SYN3: variants seen among roughly 807,000 people sequenced by gnomAD.
SYN3 encodes the protein synapsin-3.
In SYN3, 35 loss-of-function variants were observed where a neutral mutation model predicts 65.8. That is an observed-to-expected ratio of 0.53 (90% confidence interval 0.41 to 0.70). The LOEUF (loss-of-function observed/expected upper bound fraction) is 0.70. SYN3 is among the 30% of genes least tolerant of loss of function. The pLI is 0.00. For missense variants in SYN3, 680 were observed against 749.0 expected (o/e 0.91, Z 1.08); for synonymous variants, 270 against 292.9 (o/e 0.92, Z 0.80).
At chr22:32,581,842 G>T (rs1383795414) in intron 7 of SYN3, among the ~76,000 whole-genome samples, 1 of 124,918 alleles carries the variant, frequency 8.0e-6, no homozygotes, top group Non-Finnish European at 1.6e-5. Flanking sequence ...TGTGGCCCAG[G>T]TTGGAGTGCG....
In SYN3 at chr22:32,801,978, C is replaced by T. The variant is rs754137297; in HGVS notation, c.711+62937G>A. ...AACTTTGGAGAGGCGAGCAGCAGCC[C>T]CGGCAGCGGCGGCAGCAGCGGCAAT... On this transcript the variant is annotated intron_variant, in intron 6 of 13. Coordinates refer to ENST00000358763, the MANE Select transcript of SYN3 (RefSeq NM_003490.4). The surrounding 1 kb of genome is among the most constrained non-coding windows in gnomAD (Gnocchi z 4.7). 5 of 1,581,420 alleles carry T rather than the reference C, an allele frequency of 3.2e-6. No homozygotes were observed. The South Asian group carries it at 3.4e-5, about 11-fold the overall frequency.
chr22:33,005,308 T>C (rs1316515628), intron 2 of SYN3, among the ~76,000 whole-genome samples: 1 of 152,220 alleles, frequency 6.6e-6, no homozygotes. Context: ...ACTTTTCTGG[T>C]TCCCATCCAT....
At chr22:32,758,681 C>CATATATAT (rs71187211) in intron 6 of SYN3, among the ~76,000 whole-genome samples, 4,080 of 33,050 alleles carry the variant, frequency 0.12, 1,171 homozygotes, top group African/African-American at 0.25. Flanking sequence ...TTACTAAACT[C>CATATATAT]ATATATATAT....
chr22:32,665,489 G>GTATATA lies in SYN3; in HGVS notation c.712-68759_712-68754dup, dbSNP rs130731. On this transcript the variant is annotated intron_variant, in intron 6 of 13. Coordinates refer to ENST00000358763, the MANE Select transcript of SYN3 (RefSeq NM_003490.4). ...GGCTGAGTAGTATGCCACAGTGTGT[G>GTATATA]TATATATATATATATATATATGTCT... Among the ~76,000 whole-genome samples, 14 of 141,414 alleles carry GTATATA rather than the reference G, an allele frequency of 9.9e-5. No homozygotes were observed. In the East Asian group the frequency reaches 1.6e-3, roughly 16 times the overall value. The allele number at this position is 141,414 out of a possible 152,430, so 92.8% of individuals were successfully genotyped here.
At chr22:32,705,188 T>G (rs2060864370) in intron 6 of SYN3, among the ~76,000 whole-genome samples, 1 of 152,142 alleles carries the variant, frequency 6.6e-6, no homozygotes, top group African/African-American at 2.4e-5. Context: ...TAGTTTTGGG[T>G]TTTACATTTT....
At chr22:32,607,414 C>T (rs932136529) in intron 6 of SYN3, among the ~76,000 whole-genome samples, 1 of 152,180 alleles carries the variant, frequency 6.6e-6, no homozygotes, top group Non-Finnish European at 1.5e-5. Flanking sequence ...GCTGCCACCA[C>T]CCGCCCAGGT....
chr22:32,741,070 G>A (rs572670748), intron 6 of SYN3, among the ~76,000 whole-genome samples: 11 of 152,252 alleles, frequency 7.2e-5, no homozygotes, highest in Non-Finnish European at 1.3e-4. Flanking sequence ...CTGAGAAAAG[G>A]GAGACACTGG....
chr22:32,587,820 C>T (rs2059071399), intron 7 of SYN3, among the ~76,000 whole-genome samples: 1 of 152,120 alleles, frequency 6.6e-6, no homozygotes, highest in African/African-American at 2.4e-5. Flanking sequence ...CAGAGGTTTC[C>T]CAACCTGTCA....
intron 4 of SYN3, among the ~76,000 whole-genome samples, chr22:32,919,114 T>C (rs2050266909): frequency 6.6e-6 from 1 of 152,178 alleles, no homozygotes; most frequent in South Asian, 2.1e-4. Flanking sequence ...TCTGCCTTTC[T>C]CCTTCCCCTC....
intron 3 of SYN3, among the ~76,000 whole-genome samples, chr22:32,965,983 C>A (rs986569672): frequency 6.6e-6 from 1 of 152,202 alleles, no homozygotes; most frequent in Non-Finnish European, 1.5e-5. Flanking sequence ...CACGGGCCAC[C>A]GCGCCCGGCC....
intron 1 of SYN3, among the ~76,000 whole-genome samples, chr22:33,012,106 T>C (rs1331289602): frequency 3.9e-5 from 6 of 152,230 alleles, no homozygotes; most frequent in Admixed American, 6.5e-5. Flanking sequence ...GCTATTCTGT[T>C]TTCTAGAGCC....
intron 6 of SYN3, chr22:32,859,519 G>A: frequency 9.3e-7 from 1 of 1,078,500 alleles, no homozygotes; most frequent in East Asian, 2.6e-5. Flanking sequence ...AAAGGTCTAT[G>A]CTGTCATATG....
At chr22:32,597,513 G>C (rs2059220143) in intron 6 of SYN3, among the ~76,000 whole-genome samples, 1 of 151,986 alleles carries the variant, frequency 6.6e-6, no homozygotes, top group African/African-American at 2.4e-5. Flanking sequence ...ACCGCGCCTG[G>C]CCCATTATTC....
chr22:33,015,720 A>G (rs2053451931), intron 1 of SYN3, among the ~76,000 whole-genome samples: 1 of 152,246 alleles, frequency 6.6e-6, no homozygotes. Flanking sequence ...CGAATTTTGA[A>G]TGAAAATATA....
At chr22:32,985,544 G>A (rs781748006) in intron 2 of SYN3, among the ~76,000 whole-genome samples, 1 of 152,176 alleles carries the variant, frequency 6.6e-6, no homozygotes, top group East Asian at 1.9e-4. Flanking sequence ...TGCTCCCAAC[G>A]TGTTCCAGAT....
chr22:32,728,679 G>A (rs2061230109), intron 6 of SYN3, among the ~76,000 whole-genome samples: 1 of 152,232 alleles, frequency 6.6e-6, no homozygotes, highest in African/African-American at 2.4e-5. Context: ...GTGTTAACAG[G>A]ATGTGTTACT....
chr22:32,845,251 C>T (rs1055378372), intron 6 of SYN3, among the ~76,000 whole-genome samples: 6 of 151,928 alleles, frequency 3.9e-5, no homozygotes, highest in East Asian at 1.9e-4. Flanking sequence ...GGCTGGAGTA[C>T]GGTGATGCAA....
At chr22:32,747,473 T>C (rs763712872) in intron 6 of SYN3, among the ~76,000 whole-genome samples, 1 of 152,352 alleles carries the variant, frequency 6.6e-6, no homozygotes, top group African/African-American at 2.4e-5. Flanking sequence ...GGGACACCGG[T>C]AAAGTGCTTT....
intron 6 of SYN3, among the ~76,000 whole-genome samples, chr22:32,770,556 T>C (rs866527244): frequency 6.6e-6 from 1 of 152,136 alleles, no homozygotes; most frequent in Non-Finnish European, 1.5e-5. Context: ...TGTTCCCTTG[T>C]TCTAAAACCT....
Sources: gnomAD v4.1 joint callset for allele counts (sites outside exome capture counted in the v4.1 genomes callset) on GRCh38, gnomAD v4.1.1 for gene constraint, Gnocchi (gnomAD v3.1) non-coding constraint, MANE v1.5 for transcripts, NCBI Gene and HGNC (gene_info 2026-07-23, HGNC 2026-07-21) for gene names.